The following GCNT1 variants were observed in gnomAD, a reference collection of about 807,000 sequenced individuals.
GCNT1 encodes beta-1,3-galactosyl-O-glycosyl-glycoprotein beta-1,6-N-acetylglucosaminyltransferase.
GCNT1 carries 16 observed loss-of-function variants against 26.2 expected under a neutral mutation model. The ratio of observed to expected loss-of-function variants is 0.61; its 90% confidence interval spans 0.41 to 0.93. The LOEUF is 0.93. Ranked by LOEUF, GCNT1 falls within the 40% of genes least tolerant of loss-of-function variation. The pLI, the probability that GCNT1 is intolerant of heterozygous loss-of-function variation, is 0.00. For missense variants in GCNT1, 477 were observed against 526.7 expected (o/e 0.91, Z 0.92); for synonymous variants, 183 against 190.8 (o/e 0.96, Z 0.34).
intron 2 of GCNT1, among the ~76,000 whole-genome samples, chr9:76,468,724 C>G (rs141733554): frequency 7.0e-4 from 107 of 152,258 alleles, no homozygotes; most frequent in African/African-American, 2.3e-3. Flanking sequence ...TCCAATTTTG[C>G]TATGCCTATC....
the GCNT1 span, among the ~76,000 whole-genome samples, chr9:76,396,447 TAAGTA>T: frequency 7.2e-5 from 6 of 83,280 alleles, no homozygotes; most frequent in East Asian, 1.8e-3. Context: ...AAAATAAAAA[TAAGTA>T]AGAAAGAGAG....
intron 1 of GCNT1, among the ~76,000 whole-genome samples, chr9:76,429,740 G>A (rs902006722): frequency 4.1e-5 from 6 of 145,864 alleles, no homozygotes; most frequent in South Asian, 2.2e-4. Flanking sequence ...TTTTTGAGAC[G>A]GAGTCTCGCT....
At chr9:76,452,522 TG>T (rs973033948) in intron 1 of GCNT1, among the ~76,000 whole-genome samples, 1 of 152,088 alleles carries the variant, frequency 6.6e-6, no homozygotes, top group Non-Finnish European at 1.5e-5. Context: ...AAGCATGGCT[TG>T]GGAGGCCTCA....
At chr9:76,443,985 GGAA>G (rs1325741659) in intron 1 of GCNT1, among the ~76,000 whole-genome samples, 3 of 122,548 alleles carry the variant, frequency 2.4e-5, no homozygotes, top group African/African-American at 8.8e-5. Flanking sequence ...AAGGAAGGAA[GGAA>G]GGAAGAAAAA....
intron 2 of GCNT1, among the ~76,000 whole-genome samples, chr9:76,474,969 C>A (rs1416771136): frequency 6.6e-6 from 1 of 152,182 alleles, no homozygotes; most frequent in African/African-American, 2.4e-5. Flanking sequence ...CGGAGTCTCG[C>A]TCCGTTGCCC....
At chr9:76,484,997 C>T (rs528192664) in intron 2 of GCNT1, among the ~76,000 whole-genome samples, 7 of 152,156 alleles carry the variant, frequency 4.6e-5, no homozygotes, top group Non-Finnish European at 8.8e-5. Context: ...CCATGTTGGC[C>T]AGGCTTGTCT....
chr9:76,428,886 G>A (rs970758048), intron 1 of GCNT1, among the ~76,000 whole-genome samples: 1 of 152,002 alleles, frequency 6.6e-6, no homozygotes, highest in African/African-American at 2.4e-5. Context: ...TTTTAGTAGA[G>A]ACGAGGTTTC....
At chr9:76,406,627 G>A in the GCNT1 span, among the ~76,000 whole-genome samples, 7 of 151,776 alleles carry the variant, frequency 4.6e-5, no homozygotes, top group African/African-American at 1.5e-4. Context: ...CTTGAACCCA[G>A]GAGGCGAAGG....
chr9:76,470,064 T>C (rs1824096867), intron 2 of GCNT1, among the ~76,000 whole-genome samples: 1 of 152,192 alleles, frequency 6.6e-6, no homozygotes, highest in Non-Finnish European at 1.5e-5. Flanking sequence ...CTAAGAAATT[T>C]TGCATGCTTG....
chr9:76,404,312 A>G, the GCNT1 span, among the ~76,000 whole-genome samples: 4 of 152,170 alleles, frequency 2.6e-5, no homozygotes, highest in East Asian at 7.7e-4. Flanking sequence ...AATATATAAA[A>G]TAATACAGCT....
chr9:76,494,720 A>G (rs1054351073), intron 2 of GCNT1, among the ~76,000 whole-genome samples: 6 of 152,172 alleles, frequency 3.9e-5, no homozygotes, highest in African/African-American at 1.4e-4. Context: ...CGGAGAAGAG[A>G]GCAAGAAGTT....
At chr9:76,399,571 C>T in the GCNT1 span, 7 of 1,346,930 alleles carry the variant, frequency 5.2e-6, no homozygotes, top group South Asian at 8.2e-5. Context: ...TAGGAGCAAC[C>T]ACTGACTGGT....
At chr9:76,472,088 C>T (rs1274679814) in intron 2 of GCNT1, among the ~76,000 whole-genome samples, 1 of 152,080 alleles carries the variant, frequency 6.6e-6, no homozygotes, top group Non-Finnish European at 1.5e-5. Flanking sequence ...CCAGCCTGGC[C>T]AACATGATGA....
the GCNT1 span, among the ~76,000 whole-genome samples, chr9:76,400,572 A>G: frequency 6.6e-6 from 1 of 152,204 alleles, no homozygotes; most frequent in East Asian, 1.9e-4. Flanking sequence ...GATTCTCCCT[A>G]TCACACTCCT....
At chr9:76,417,565 G>A (rs961862738), upstream of GCNT1, among the ~76,000 whole-genome samples, 1 of 152,188 alleles carries the variant, frequency 6.6e-6, no homozygotes, top group Non-Finnish European at 1.5e-5. Flanking sequence ...AGAATGAAAG[G>A]TACTGTTGGC....
intron 1 of GCNT1, among the ~76,000 whole-genome samples, chr9:76,449,344 A>C (rs1587417100): frequency 6.6e-6 from 1 of 152,132 alleles, no homozygotes; most frequent in Non-Finnish European, 1.5e-5. Context: ...AAATGATAAT[A>C]GTAAAAGTAA....
chr9:76,504,853 T>C lies in GCNT1; in HGVS notation c.*1185T>C. On this transcript the variant is annotated 3_prime_UTR_variant, in exon 4 of 4. Transcript: ENST00000376730. ...ACCTTCCACGAGGAGGAAAGAAGTGTGCAGTCATTCCACATGGCCTGTTGG... is the reference window on the plus strand; with the variant it reads ...ACCTTCCACGAGGAGGAAAGAAGTGCGCAGTCATTCCACATGGCCTGTTGG... 2.4e-6 allele frequency: 1 copy of C among 412,800 alleles called. No individual in the cohort carries two copies. Among genetic ancestry groups the C allele is most frequent in the Non-Finnish European group, 4.4e-6 (1 of 226,130 alleles). The allele number at this position is 412,800 out of a possible 1,614,324, so 25.6% of individuals were successfully genotyped here.
intron 1 of GCNT1, among the ~76,000 whole-genome samples, chr9:76,444,286 C>T (rs925750715): frequency 2.0e-5 from 3 of 152,128 alleles, no homozygotes; most frequent in South Asian, 4.2e-4. Flanking sequence ...GAAATCAGAG[C>T]GATGTCGAGG....
intron 1 of GCNT1, among the ~76,000 whole-genome samples, chr9:76,453,986 G>A (rs1048216516): frequency 1.3e-5 from 2 of 152,134 alleles, no homozygotes; most frequent in African/African-American, 4.8e-5. Flanking sequence ...GGGGAGGGAC[G>A]GCATTCTAAT....
Sources: allele counts gnomAD v4.1 joint callset (sites outside exome capture counted in the v4.1 genomes callset), GRCh38; gene constraint gnomAD v4.1.1; transcripts MANE v1.5; gene names NCBI Gene and HGNC (gene_info 2026-07-23, HGNC 2026-07-21).